The following PALLD variants were observed in gnomAD, a reference collection of about 807,000 sequenced individuals.
The protein encoded by PALLD is palladin.
In PALLD, 61 loss-of-function variants were observed where a neutral mutation model predicts 123.5. That is an observed-to-expected ratio of 0.49 (90% confidence interval 0.40 to 0.61). The LOEUF (loss-of-function observed/expected upper bound fraction) is 0.61. Ranked by LOEUF, PALLD falls within the 20% of genes least tolerant of loss-of-function variation. PALLD has a pLI of 0.00. For missense variants in PALLD, 1,273 were observed against 1,377.0 expected (o/e 0.92, Z 1.20); for synonymous variants, 465 against 496.4 (o/e 0.94, Z 0.84).
chr4:168,837,181 A>AG (rs1745325013), intron 10 of PALLD, among the ~76,000 whole-genome samples: 1 of 152,298 alleles, frequency 6.6e-6, no homozygotes, highest in Admixed American at 6.5e-5. Context: ...GAAAGAGAAG[A>AG]GGGGGAAGAG....
chr4:168,519,518 G>GT (rs11434777), intron 2 of PALLD, among the ~76,000 whole-genome samples: 111,453 of 151,142 alleles, frequency 0.74, 41,235 homozygotes, highest in East Asian at 0.86. Context: ...TTTTTAAAAT[G>GT]TTTTTTTTTG....
chr4:168,873,637 A>T (rs1256818591), intron 10 of PALLD, among the ~76,000 whole-genome samples: 1 of 152,214 alleles, frequency 6.6e-6, no homozygotes, highest in African/African-American at 2.4e-5. Flanking sequence ...GTATGTAGTA[A>T]TAATAGCCAA....
intron 19 of PALLD, 92 bp downstream of exon 19, chr4:168,924,512 T>TA: frequency 8.3e-7 from 1 of 1,204,988 alleles, no homozygotes; most frequent in African/African-American, 1.5e-5. Context: ...AATCTATGTG[T>TA]AAAAGCCACA....
At chr4:168,880,794 A>G (rs1438231036) in intron 10 of PALLD, among the ~76,000 whole-genome samples, 1 of 152,232 alleles carries the variant, frequency 6.6e-6, no homozygotes, top group Non-Finnish European at 1.5e-5. Context: ...TCAAGTACCA[A>G]CAAATTGGTT....
chr4:168,644,405 C>T (rs1330331277), intron 2 of PALLD, among the ~76,000 whole-genome samples: 4 of 152,080 alleles, frequency 2.6e-5, no homozygotes, highest in Admixed American at 6.6e-5. Flanking sequence ...TGATATCTTT[C>T]AAACATTTAT....
chr4:168,839,934 G>A (rs1460725805), intron 10 of PALLD, among the ~76,000 whole-genome samples: 1 of 152,154 alleles, frequency 6.6e-6, no homozygotes, highest in Non-Finnish European at 1.5e-5. Flanking sequence ...GCTATAGTCT[G>A]CAAAATCTGC....
chr4:168,923,424 T>C (rs1379440434), intron 18 of PALLD, among the ~76,000 whole-genome samples: 1 of 152,228 alleles, frequency 6.6e-6, no homozygotes, highest in Non-Finnish European at 1.5e-5. Flanking sequence ...CTCAGATTCA[T>C]TGTTGGTAGT....
intron 10 of PALLD, among the ~76,000 whole-genome samples, chr4:168,750,502 T>G (rs1384850546): frequency 6.6e-6 from 1 of 152,194 alleles, no homozygotes; most frequent in Non-Finnish European, 1.5e-5. Context: ...GACTTGTGGT[T>G]TAGGATATGT....
chr4:168,709,540 AAGGAAGGAAGGAAGGAAGGAAG>A (rs1784544077), intron 9 of PALLD, among the ~76,000 whole-genome samples: 1 of 4,186 alleles, frequency 2.4e-4, no homozygotes, highest in Admixed American at 4.0e-3. Context: ...GGAAGGAAGG[AAGGAAGGAAGGAAGGAAGGAAG>A]GAAGGAAGGA....
At chr4:168,874,830 C>T (rs532631766) in intron 10 of PALLD, among the ~76,000 whole-genome samples, 3 of 152,112 alleles carry the variant, frequency 2.0e-5, no homozygotes, top group South Asian at 2.1e-4. Context: ...CAGGTCTAGA[C>T]GGTCCCCTTT....
intron 10 of PALLD, 192 bp downstream of exon 10, chr4:168,712,115 G>A: frequency 1.6e-6 from 1 of 626,058 alleles, no homozygotes; most frequent in African/African-American, 1.8e-5. Context: ...GAAAAGCTTG[G>A]TGAAATCTGC....
intron 11 of PALLD, 121 bp from the exon 12 acceptor site, chr4:168,894,458 C>A: frequency 1.4e-6 from 1 of 718,386 alleles, no homozygotes; most frequent in African/African-American, 1.7e-5. Context: ...GTATCTGAAG[C>A]TGGAGAGAGA....
chr4:168,847,831 T>C (rs945312132), intron 10 of PALLD, among the ~76,000 whole-genome samples: 1 of 152,124 alleles, frequency 6.6e-6, no homozygotes, highest in Admixed American at 6.5e-5. Flanking sequence ...ACTCTTATAC[T>C]TTCTGATACT....
At chr4:168,537,344 A>G (rs1765197495) in intron 2 of PALLD, among the ~76,000 whole-genome samples, 1 of 152,212 alleles carries the variant, frequency 6.6e-6, no homozygotes, top group African/African-American at 2.4e-5. Flanking sequence ...ACTTTTGGTT[A>G]CACAAACATA....
intron 10 of PALLD, among the ~76,000 whole-genome samples, chr4:168,763,902 C>T (rs561710864): frequency 3.3e-5 from 5 of 152,194 alleles, no homozygotes; most frequent in Non-Finnish European, 7.3e-5. Flanking sequence ...AGCCCTCTCC[C>T]ACATGGTCTT....
At chr4:168,697,592 T>G (rs6841966) in intron 8 of PALLD, among the ~76,000 whole-genome samples, 20,026 of 152,160 alleles carry the variant, frequency 0.13, 1,626 homozygotes, top group East Asian at 0.33. Context: ...TGCTCTCCCC[T>G]CCATGGACTG....
intron 3 of PALLD, among the ~76,000 whole-genome samples, chr4:168,669,722 C>T (rs1261556432): frequency 6.6e-6 from 1 of 152,126 alleles, no homozygotes; most frequent in African/African-American, 2.4e-5. Flanking sequence ...TGGAGTGCCT[C>T]AAGGGACCTT....
intron 2 of PALLD, among the ~76,000 whole-genome samples, chr4:168,652,860 C>G (rs901271208): frequency 1.3e-5 from 2 of 152,186 alleles, no homozygotes; most frequent in African/African-American, 4.8e-5. Context: ...AAATCTCCAG[C>G]ATTATCTTAA....
At position 168,534,038 on chromosome 4, in the gene PALLD, T is replaced by C. The variant is rs187766066; in HGVS notation, c.908+21626T>C. ...ATTATGGTTCATCAGGTTGTTCTCA[T>C]ACAGGCATCTCTTCATTACCAAGGG... is the stretch of plus-strand genomic sequence containing the variant. On this transcript the variant is annotated intron_variant, in intron 2 of 21. Coordinates refer to ENST00000505667, the MANE Select transcript of PALLD (RefSeq NM_001166108.2). Among the ~76,000 whole-genome samples the C allele has an allele frequency of 3.9e-5, 6 of 152,346 alleles. No individual in the cohort carries two copies. The East Asian group carries it at 9.6e-4, about 24-fold the overall frequency.
Sources: gnomAD v4.1 joint callset for allele counts (sites outside exome capture counted in the v4.1 genomes callset) on GRCh38, gnomAD v4.1.1 for gene constraint, MANE v1.5 for transcripts, NCBI Gene and HGNC (gene_info 2026-07-23, HGNC 2026-07-21) for gene names.